BNIP5: variants seen among roughly 807,000 people sequenced by gnomAD.
BNIP5 encodes protein BNIP5.
BNIP5 carries 61 observed loss-of-function variants against 67.3 expected under a neutral mutation model. That is an observed-to-expected ratio of 0.91 (90% CI 0.74 to 1.12). The LOEUF is 1.12. BNIP5 is among the 50% of genes most tolerant of loss of function. The pLI, the probability that BNIP5 is intolerant of heterozygous loss-of-function variation, is 0.00. For missense variants in BNIP5, 826 were observed against 816.3 expected, an observed-to-expected ratio of 1.01 and a Z score of -0.14; for synonymous variants, 317 against 319.0, an observed-to-expected ratio of 0.99 and a Z score of 0.07.
chr6:36,316,631 T>C lies in BNIP5; in HGVS notation c.*725A>G, dbSNP rs1175142615. 2.5e-6 allele frequency: 1 copy of C among 398,638 alleles called. No homozygotes were observed. Among genetic ancestry groups the C allele is most frequent in the Admixed American group, 4.4e-5 (1 of 22,724 alleles). The allele number at this position is 398,638 out of a possible 1,614,324, so 24.7% of individuals were successfully genotyped here. ...CCCAAAAGAAGCTATAGTGCCTACA[T>C]GGACATGGCACTAGGTAATTTTCAG... On this transcript the variant is annotated 3_prime_UTR_variant, in exon 12 of 12. Transcript: ENST00000437635.
chr6:36,323,300 G>A lies in BNIP5; in HGVS notation c.1464C>T (p.Ser488=), dbSNP rs547329651. 1 of 1,614,200 alleles carries A rather than the reference G, an allele frequency of 6.2e-7. No homozygotes were observed. Among genetic ancestry groups the A allele is most frequent in the South Asian group, 1.1e-5 (1 of 91,076 alleles). Residue 488 remains serine, a synonymous_variant, in exon 8 of 12, where the codon AGC becomes AGT. Coordinates refer to ENST00000437635, the MANE Select transcript of BNIP5 (RefSeq NM_001010903.5). ...CVGGHRPSTS[S]SLDPEDLECR... ...AACACCAGGCCTGCTCACCAAGGCT[G>A]CTGGAGGTGGAGGGCCGATGGCCAC...
intron 8 of BNIP5, 76 bp downstream of exon 8, chr6:36,323,217 C>T (rs1771674308): frequency 6.3e-7 from 1 of 1,592,558 alleles, no homozygotes; most frequent in African/African-American, 1.3e-5. Context: ...GCCAGCCTGT[C>T]AACGACAGAC....
chr6:36,330,614 C>T lies in BNIP5; in HGVS notation c.77G>A (p.Gly26Glu). ...GCAGTCCCACGACTCCGAGCCTTTC[C>T]CGGGGGCCTGCGGCCTGTCCAGAGA... Reference protein sequence around the residue: ...ARSLDRPQAPGKGSESWDCHW... With the variant: ...ARSLDRPQAPEKGSESWDCHW... Residue 26 changes from glycine (G) to glutamate (E), a missense_variant, in exon 2 of 12, where the codon GGG (glycine) becomes GAG (glutamate). Coordinates refer to ENST00000437635, the MANE Select transcript of BNIP5 (RefSeq NM_001010903.5). 1.2e-6 allele frequency: 2 copies of T among 1,610,546 alleles called. No individual in the cohort carries two copies. The highest frequency in any genetic ancestry group is 2.2e-5 in the South Asian group (2 of 91,076).
chr6:36,325,305 C>T lies in BNIP5; in HGVS notation c.1146G>A (p.Pro382=), dbSNP rs144955182. The T allele has an allele frequency of 2.8e-5, 45 of 1,614,022 alleles. No individual in the cohort carries two copies. The highest frequency in any genetic ancestry group is 1.3e-4 in the African/African-American group (10 of 74,926). The change falls in exon 6 of 12, where the codon CCG becomes CCA. Residue 382 remains proline, a synonymous_variant. Transcript: ENST00000437635. ...GACTGTATTCCGAGGCTCTGTCCAGCGGAAGCTCCTCTCCAGGTTCCTGGC... is the reference window on the plus strand; with the variant it reads ...GACTGTATTCCGAGGCTCTGTCCAGTGGAAGCTCCTCTCCAGGTTCCTGGC... ...SESQEPGEEL[P]LDRASEYKEF... is the part of the protein sequence containing the mutation.
chr6:36,336,271 G>T (rs1400793146), intron 1 of BNIP5, among the ~76,000 whole-genome samples: 1 of 152,112 alleles, frequency 6.6e-6, no homozygotes, highest in Non-Finnish European at 1.5e-5. Flanking sequence ...TTATCAGGGG[G>T]TTCCCTCATG....
Position 36,330,165 on chromosome 6 carries a change from CCTGGTCTT to C in BNIP5, c.518_525del (p.Gln173ArgfsTer22). 2 of 1,613,960 alleles carry C rather than the reference CCTGGTCTT, an allele frequency of 1.2e-6. No individual in the cohort carries two copies. The highest frequency in any genetic ancestry group is 1.7e-6 in the Non-Finnish European group (2 of 1,180,024). On this transcript the variant is annotated frameshift_variant, in exon 2 of 12. Coordinates refer to ENST00000437635, the MANE Select transcript of BNIP5 (RefSeq NM_001010903.5). LOFTEE classifies it high-confidence loss of function. The stretch of plus-strand genomic sequence containing the variant: ...AACCCTTCCTCTCGGCCTCTGGCCT[CCTGGTCTT>C]GAGCTGCCTTAGTCACCTCGGCCGC...
At position 36,329,881 on chromosome 6, in the gene BNIP5, A is replaced by G. The variant is rs187824452; in HGVS notation, c.610+200T>C. Among the ~76,000 whole-genome samples the G allele has an allele frequency of 6.4e-3, 940 of 147,876 alleles. 9 individuals are homozygous for G. Among genetic ancestry groups the G allele is most frequent in the African/African-American group, 0.023 (894 of 39,548 alleles). The stretch of plus-strand genomic sequence containing the variant: ...AGGAAAGAGAAAAGAGAGAAAGAAG[A>G]AGGAGGAGGAGGAGGAGAGGAAGGA... On this transcript the variant is annotated intron_variant, in intron 2 of 11. Transcript: ENST00000437635.
At chr6:36,319,663 GC>G (rs1771594583) in intron 10 of BNIP5, 53 bp from the exon 11 acceptor site, 8 of 1,568,142 alleles carry the variant, frequency 5.1e-6, no homozygotes, top group South Asian at 2.4e-5. Context: ...TACCCCTCCC[GC>G]CAACTGCCCC....
At chr6:36,327,971 CTTAG>C (rs141446858) in intron 3 of BNIP5, among the ~76,000 whole-genome samples, 182 of 152,198 alleles carry the variant, frequency 1.2e-3, no homozygotes, top group African/African-American at 4.1e-3. Flanking sequence ...CTCAATGCCT[CTTAG>C]TTATTCTTTG....
At position 36,330,008 on chromosome 6, in the gene BNIP5, T is replaced by C. The variant is rs557950443; in HGVS notation, c.610+73A>G. ...CAGCTCCCCCGACTATCCCTGTCCC[T>C]CTGTGGAGAGGCTCCTGGAGCAAGT... On this transcript the variant is annotated intron_variant, in intron 2 of 11. Transcript: ENST00000437635. The C allele has an allele frequency of 1.2e-4, 182 of 1,491,732 alleles. No homozygotes were observed. In the African/African-American group the frequency reaches 2.0e-3, roughly 17 times the overall value. The allele number at this position is 1,491,732 out of a possible 1,614,324, so 92.4% of individuals were successfully genotyped here. A position where few individuals can be genotyped will look rare whatever the true frequency, so the allele number is the denominator to read the frequency against.
At chr6:36,330,962 C>G (rs1771892756) in intron 1 of BNIP5, among the ~76,000 whole-genome samples, 1 of 152,126 alleles carries the variant, frequency 6.6e-6, no homozygotes, top group Admixed American at 6.5e-5. Flanking sequence ...TGGGGTTTCA[C>G]CGTGTTGGCC....
chr6:36,324,940 C>T (rs1771727865), intron 6 of BNIP5, among the ~76,000 whole-genome samples: 1 of 152,044 alleles, frequency 6.6e-6, no homozygotes, highest in African/African-American at 2.4e-5. Flanking sequence ...AGTAACTTGC[C>T]CAAGTCCACA....
At chr6:36,323,798 G>A (rs1171029450) in intron 7 of BNIP5, among the ~76,000 whole-genome samples, 1 of 152,008 alleles carries the variant, frequency 6.6e-6, no homozygotes, top group Non-Finnish European at 1.5e-5. Flanking sequence ...TCAGGAGTTC[G>A]AGACCAGCCT....
rs147539357 is a variant in BNIP5 at position 36,330,119 on chromosome 6, A to G, written c.572T>C (p.Leu191Ser). Residue 191 changes from leucine to serine, a missense_variant, in exon 2 of 12, where the codon TTG becomes TCG. By Grantham distance (145) the Leu-to-Ser change is moderately radical. Transcript: ENST00000437635. ...GCCCAGGTCAGCCTCCCCGGAGCGC[A>G]AGGCAGCAGCTGCCTTGGACAACCC... The part of the protein sequence containing the change: ...EEGLSKAAAA[L>S]RSGEADLGPA... 2.7e-5 allele frequency: 44 copies of G among 1,611,304 alleles called. No individual in the cohort carries two copies. The African/African-American group carries it at 5.6e-4, about 21-fold the overall frequency.
In BNIP5 at chr6:36,324,122, T is replaced by C; in HGVS notation, c.1230+7A>G. The C allele has an allele frequency of 6.2e-7, 1 of 1,612,020 alleles. No homozygotes were observed. The stretch of plus-strand genomic sequence containing the variant: ...GGTCAGGGTTACATGGGGAGCGTCT[T>C]CCTCACCTCCTCTCCTTGCTGTTCT... On this transcript the variant is annotated splice_region_variant and intron_variant, in intron 7 of 11. Transcript: ENST00000437635.
intron 2 of BNIP5, 148 bp from the exon 3 acceptor site, chr6:36,328,862 A>G: frequency 1.6e-6 from 1 of 627,106 alleles, no homozygotes; most frequent in Non-Finnish European, 2.9e-6. Context: ...GGCTTAACCA[A>G]AAAATCAGAA....
chr6:36,322,382 GA>G lies in BNIP5; in HGVS notation c.1531del (p.Ser511GlnfsTer18), dbSNP rs772859353. The G allele has an allele frequency of 5.0e-6, 8 of 1,614,170 alleles. No homozygotes were observed. The highest frequency in any genetic ancestry group is 6.8e-6 in the Non-Finnish European group (8 of 1,180,012). ...GCCTCTAGCCTGGGAGGGTGCTTCT[GA>G]GATCACAACTGGCTCCCCTTCTGCG... is the stretch of plus-strand genomic sequence containing the variant. ...LPAEGEPVVI[S>X]EAPSQARGHT... On this transcript the variant is annotated frameshift_variant, in exon 9 of 12. Coordinates refer to ENST00000437635, the MANE Select transcript of BNIP5 (RefSeq NM_001010903.5). LOFTEE classifies it high-confidence loss of function.
chr6:36,334,582 T>C (rs1336037123), intron 1 of BNIP5, among the ~76,000 whole-genome samples: 1 of 152,062 alleles, frequency 6.6e-6, no homozygotes, highest in Non-Finnish European at 1.5e-5. Context: ...AGGCCAGGGA[T>C]TGAGACAGCG....
At position 36,330,787 on chromosome 6, in the gene BNIP5, G is replaced by A. The variant is rs866069934; in HGVS notation, c.-4-93C>T. ...TTTGTTTGTTTTTGTTTTTTATGAC[G>A]GAGCCTCGGTCTATTGCCCAGGCTG... On this transcript the variant is annotated intron_variant, in intron 1 of 11. Coordinates refer to ENST00000437635, the MANE Select transcript of BNIP5 (RefSeq NM_001010903.5). 68 of 1,449,068 alleles carry A rather than the reference G, an allele frequency of 4.7e-5. No homozygotes were observed. In the Middle Eastern group the frequency reaches 2.8e-3, roughly 60 times the overall value. 89.8% of individuals were successfully genotyped at this position (1,449,068 alleles called of 1,614,324 possible). A position where few individuals can be genotyped will look rare whatever the true frequency, so the allele number is the denominator to read the frequency against.
Sources: allele counts gnomAD v4.1 joint callset (sites outside exome capture counted in the v4.1 genomes callset), GRCh38; gene constraint gnomAD v4.1.1; transcripts MANE v1.5; gene names NCBI Gene and HGNC (gene_info 2026-07-23, HGNC 2026-07-21).